Variants in FRMD5 observed in about 807,000 individuals in gnomAD.
The protein encoded by FRMD5 is FERM domain containing 5, also known as FERM domain-containing protein 5.
A neutral mutation model predicts 69.0 loss-of-function variants in FRMD5; 20 were observed. That is an observed-to-expected ratio of 0.29 (90% CI 0.20 to 0.42). FRMD5 has a LOEUF of 0.42. Among genes scored for constraint, FRMD5 ranks in the 10% least tolerant of loss-of-function variants. The probability of loss-of-function intolerance (pLI) is 1.00; values close to 1 mark genes in which losing one functional copy is unlikely to be tolerated. For missense variants in FRMD5, 595 were observed against 708.6 expected (o/e 0.84, Z 1.82); for synonymous variants, 271 against 260.1 (o/e 1.04, Z -0.40).
At chr15:44,066,806 G>T (rs1401681058) in intron 1 of FRMD5, among the ~76,000 whole-genome samples, 2 of 152,066 alleles carry the variant, frequency 1.3e-5, no homozygotes, top group Non-Finnish European at 2.9e-5. Flanking sequence ...TATTTTAGAC[G>T]AAGTGAAACT....
chr15:43,930,507 C>T (rs535433787), intron 1 of FRMD5, among the ~76,000 whole-genome samples: 1 of 152,322 alleles, frequency 6.6e-6, no homozygotes, highest in South Asian at 2.1e-4. Flanking sequence ...GGCCACGTAA[C>T]CATGTGGCTC....
chr15:43,883,838 A>T, intron 12 of FRMD5, 29 bp from the exon 13 acceptor site: 1 of 1,530,044 alleles, frequency 6.5e-7, no homozygotes, highest in Non-Finnish European at 9.1e-7. Flanking sequence ...AACCTTGTTA[A>T]TTCAGTGCAT....
intron 1 of FRMD5, among the ~76,000 whole-genome samples, chr15:44,183,008 C>G (rs1355516732): frequency 2.0e-5 from 3 of 151,436 alleles, no homozygotes; most frequent in African/African-American, 7.3e-5. Context: ...CCATGTTAGC[C>G]AGGATGGTCT....
At chr15:44,170,366 T>C (rs1319972801) in intron 1 of FRMD5, among the ~76,000 whole-genome samples, 2 of 152,012 alleles carry the variant, frequency 1.3e-5, no homozygotes, top group East Asian at 1.9e-4. Flanking sequence ...CTACTAAAAA[T>C]ACAAAAGTTA....
intron 1 of FRMD5, among the ~76,000 whole-genome samples, chr15:43,983,075 C>T (rs2090572807): frequency 6.6e-6 from 1 of 152,146 alleles, no homozygotes; most frequent in South Asian, 2.1e-4. Context: ...GGATTACAGG[C>T]ATGTGCCATC....
intron 1 of FRMD5, among the ~76,000 whole-genome samples, chr15:44,174,643 A>G (rs370341530): frequency 1.3e-5 from 2 of 152,224 alleles, no homozygotes; most frequent in African/African-American, 4.8e-5. Context: ...GAAAATTTTT[A>G]AAATATTTAT....
chr15:43,975,456 G>C (rs1324426746), intron 1 of FRMD5, among the ~76,000 whole-genome samples: 2 of 152,144 alleles, frequency 1.3e-5, no homozygotes, highest in Non-Finnish European at 2.9e-5. Context: ...AAAAGCAATA[G>C]AGAAGAGGAA....
intron 1 of FRMD5, among the ~76,000 whole-genome samples, chr15:44,047,854 T>C (rs1418227408): frequency 1.3e-5 from 2 of 152,230 alleles, no homozygotes; most frequent in Non-Finnish European, 2.9e-5. Context: ...CATAACTTTT[T>C]CAAGCTTCAT....
chr15:44,141,948 C>T (rs1463310424), intron 1 of FRMD5, among the ~76,000 whole-genome samples: 1 of 152,142 alleles, frequency 6.6e-6, no homozygotes, highest in Admixed American at 6.5e-5. Flanking sequence ...AGTGTAAGGC[C>T]TTATTCTTAC....
chr15:44,132,764 ATTT>A (rs995334209), intron 1 of FRMD5, among the ~76,000 whole-genome samples: 2 of 149,622 alleles, frequency 1.3e-5, no homozygotes, highest in African/African-American at 4.9e-5. Flanking sequence ...GTATGTATGT[ATTT>A]ATTTTTTTGA....
intron 1 of FRMD5, among the ~76,000 whole-genome samples, chr15:44,150,199 A>T (rs2077421197): frequency 6.6e-6 from 1 of 152,228 alleles, no homozygotes; most frequent in Non-Finnish European, 1.5e-5. Context: ...AGCAAATATC[A>T]TACTCAATAG....
At chr15:44,054,604 A>AATTATTATATTAT (rs1181546093) in intron 1 of FRMD5, among the ~76,000 whole-genome samples, 1 of 152,194 alleles carries the variant, frequency 6.6e-6, no homozygotes, top group Non-Finnish European at 1.5e-5. Flanking sequence ...AATTCTATAG[A>AATTATTATATTAT]ATTATAGCTA....
chr15:44,118,374 G>A (rs2076900120), intron 1 of FRMD5, among the ~76,000 whole-genome samples: 1 of 152,062 alleles, frequency 6.6e-6, no homozygotes, highest in South Asian at 2.1e-4. Flanking sequence ...GATTTTAAGG[G>A]TCTTTCTGGG....
chr15:43,962,168 C>T (rs868737329), intron 1 of FRMD5, among the ~76,000 whole-genome samples: 4 of 152,188 alleles, frequency 2.6e-5, no homozygotes, highest in Non-Finnish European at 5.9e-5. Flanking sequence ...ACCATCTCAG[C>T]CCAAAATCTC....
intron 1 of FRMD5, among the ~76,000 whole-genome samples, chr15:44,069,362 A>G (rs1451056956): frequency 6.6e-6 from 1 of 152,210 alleles, no homozygotes; most frequent in Non-Finnish European, 1.5e-5. Flanking sequence ...ATGCTCACAC[A>G]AAAACCTTTA....
intron 2 of FRMD5, among the ~76,000 whole-genome samples, chr15:43,922,663 C>T (rs2140447038): frequency 6.6e-6 from 1 of 151,182 alleles, no homozygotes; most frequent in East Asian, 1.9e-4. Context: ...GAGTAACTGG[C>T]CCTCCTTTTT....
intron 1 of FRMD5, among the ~76,000 whole-genome samples, chr15:44,000,259 T>C (rs1890152682): frequency 6.6e-6 from 1 of 151,956 alleles, no homozygotes; most frequent in Non-Finnish European, 1.5e-5. Context: ...AATGCTGAGA[T>C]TACAGGTGTG....
intron 1 of FRMD5, chr15:43,989,135 C>A: frequency 3.0e-6 from 3 of 985,626 alleles, no homozygotes; most frequent in Non-Finnish European, 1.6e-6. Flanking sequence ...ATCTGCTGGA[C>A]GGTGGACAGC....
intron 1 of FRMD5, among the ~76,000 whole-genome samples, chr15:44,064,591 A>C (rs1238289137): frequency 1.3e-5 from 2 of 152,222 alleles, no homozygotes; most frequent in Admixed American, 6.5e-5. Context: ...TCTGTCTCAA[A>C]AAAACAAAAC....
Sources: allele counts gnomAD v4.1 joint callset (sites outside exome capture counted in the v4.1 genomes callset), GRCh38; gene constraint gnomAD v4.1.1; transcripts MANE v1.5; gene names NCBI Gene and HGNC (gene_info 2026-07-23, HGNC 2026-07-21).